Variants in MYO1C observed in about 807,000 individuals in gnomAD.
MYO1C encodes the protein myosin IC, also known as unconventional myosin-Ic.
Under a neutral mutation model 150.8 loss-of-function variants are expected in MYO1C, and 104 were observed. The observed-to-expected ratio is 0.69, with a 90% confidence interval of 0.59 to 0.81. MYO1C has a LOEUF of 0.81. Ranked by LOEUF, MYO1C falls within the 30% of genes least tolerant of loss-of-function variation. MYO1C has a pLI of 0.00. For synonymous variants in MYO1C, 663 were observed against 579.9 expected, an observed-to-expected ratio of 1.14 and a Z score of -2.06; for missense variants, 1,504 against 1,435.0, an observed-to-expected ratio of 1.05 and a Z score of -0.78.
intron 5 of MYO1C, 125 bp downstream of exon 5, chr17:1,482,352 AT>A: frequency 1.1e-6 from 1 of 884,948 alleles, no homozygotes; most frequent in Non-Finnish European, 1.9e-6. Context: ...GGAAGGCAGG[AT>A]TTTTGTTTGC....
intron 17 of MYO1C, among the ~76,000 whole-genome samples, chr17:1,473,694 T>C (rs1334911199): frequency 5.9e-5 from 9 of 152,122 alleles, no homozygotes; most frequent in Admixed American, 5.9e-4. Context: ...ATGCCTGCCT[T>C]TCCCCCGGTC....
chr17:1,472,022 G>C lies in MYO1C; in HGVS notation c.1906C>G (p.Arg636Gly). Residue 636 changes from arginine to glycine, a missense_variant and splice_region_variant, in exon 19 of 32, where the codon CGC becomes GGC. By Grantham distance (125) the Arg-to-Gly change is moderately radical. Transcript: ENST00000648651. ...TGGCGGATCAGCACCTCGTCAAAGCGGCCTGGGGTAGGGGGAGCGCCGTGG... is the reference window on the plus strand; with the variant it reads ...TGGCGGATCAGCACCTCGTCAAAGCCGCCTGGGGTAGGGGGAGCGCCGTGG... ...IKPNDAKQPG[R>G]FDEVLIRHQV... 6 of 1,614,004 alleles carry C rather than the reference G, an allele frequency of 3.7e-6. No homozygotes were observed. Among genetic ancestry groups the C allele is most frequent in the Non-Finnish European group, 5.1e-6 (6 of 1,179,968 alleles).
intron 17 of MYO1C, 186 bp from the exon 18 acceptor site, chr17:1,472,414 T>G (rs2074323528): frequency 3.3e-6 from 2 of 603,676 alleles, no homozygotes; most frequent in African/African-American, 3.7e-5. Context: ...CTTACCCCTC[T>G]GGCTGGGCGA....
At chr17:1,484,451 T>C in intron 1 of MYO1C, 148 bp from the exon 2 acceptor site, 1 of 498,754 alleles carries the variant, frequency 2.0e-6, no homozygotes, top group South Asian at 3.6e-5. Flanking sequence ...GCGGGGGGCC[T>C]GGGTGCTGAG....
intron 24 of MYO1C, 66 bp from the exon 25 acceptor site, chr17:1,469,680 A>G: frequency 7.8e-7 from 1 of 1,279,060 alleles, no homozygotes; most frequent in Non-Finnish European, 1.1e-6. Flanking sequence ...GACATCGAAC[A>G]TATGCTACTG....
chr17:1,483,510 C>T (rs978947336), intron 3 of MYO1C, 100 bp downstream of exon 3: 19 of 847,202 alleles, frequency 2.2e-5, no homozygotes, highest in African/African-American at 1.3e-4. Context: ...ACAGATGTGG[C>T]GCGGGACGCC....
intron 17 of MYO1C, among the ~76,000 whole-genome samples, chr17:1,473,894 T>C (rs2074350897): frequency 2.0e-5 from 3 of 151,996 alleles, no homozygotes; most frequent in African/African-American, 7.3e-5. Flanking sequence ...CTCTTCTAAG[T>C]TTGCAAAGCA....
intron 14 of MYO1C, among the ~76,000 whole-genome samples, 193 bp from the exon 15 acceptor site, chr17:1,475,225 C>CTT (rs2074380596): frequency 6.6e-6 from 1 of 152,232 alleles, no homozygotes; most frequent in Non-Finnish European, 1.5e-5. Flanking sequence ...TCGAGACCAG[C>CTT]TTGGTCAATA....
Position 1,470,232 on chromosome 17 carries a change from C to A in MYO1C, c.2469G>T (p.Gln823His), listed in dbSNP as rs1249595817. Reference protein sequence around the residue: ...RTSFLLNLRRQLPQNVLDTSW... With the variant: ...RTSFLLNLRRHLPQNVLDTSW... ...AGGTGTCCAGGACATTCTGGGGCAG[C>A]TGCCGCCTCAGGTTTAGCAAAAAAG... The change falls in exon 24 of 32, where the codon CAG (glutamine) becomes CAT (histidine). Residue 823 changes from glutamine to histidine, a missense_variant. Transcript: ENST00000648651. 4.3e-6 allele frequency: 7 copies of A among 1,610,752 alleles called. No individual in the cohort carries two copies. Among genetic ancestry groups the A allele is most frequent in the African/African-American group, 1.3e-5 (1 of 74,846 alleles).
intron 1 of MYO1C, chr17:1,492,106 T>A: frequency 2.3e-6 from 1 of 426,714 alleles, no homozygotes; most frequent in Non-Finnish European, 4.4e-6. Context: ...TTCCATGCCC[T>A]GGTCCTTCGA....
At chr17:1,491,693 C>T (rs1269463112) in intron 1 of MYO1C, 13 of 972,794 alleles carry the variant, frequency 1.3e-5, no homozygotes, top group Non-Finnish European at 1.6e-5. Context: ...GCCCAGGGCC[C>T]GCCGGGGGCC....
At chr17:1,485,558 C>A (rs560310781) in intron 1 of MYO1C, 1 of 679,080 alleles carries the variant, frequency 1.5e-6, no homozygotes, top group Non-Finnish European at 1.9e-6. Flanking sequence ...GGCCTCCTCC[C>A]CCTGCAACTT....
At chr17:1,484,098 C>T (rs757299063) in intron 2 of MYO1C, 50 bp downstream of exon 2, 5 of 1,607,312 alleles carry the variant, frequency 3.1e-6, no homozygotes, top group East Asian at 4.5e-5. Context: ...CCTCCGCTTG[C>T]CTGTGTCTGT....
chr17:1,479,162 T>C lies in MYO1C; in HGVS notation c.1092+269A>G, dbSNP rs892743126. Among the ~76,000 whole-genome samples the C allele has an allele frequency of 1.3e-5, 2 of 152,140 alleles. No individual in the cohort carries two copies. Among genetic ancestry groups the C allele is most frequent in the African/African-American group, 4.8e-5 (2 of 41,430 alleles). On this transcript the variant is annotated intron_variant, in intron 9 of 31. Transcript: ENST00000648651. This position sits in a 1 kb window ranked among gnomAD's most constrained non-coding sequence, Gnocchi z 4.2. The stretch of plus-strand genomic sequence containing the variant: ...GGCGCCCGCCACCATGCCCGGCTAA[T>C]TTTTGTATTCTTAGTAGATGGGGTT...
At chr17:1,477,180 C>CT (rs547771852) in intron 14 of MYO1C, 3,904 of 215,904 alleles carry the variant, frequency 0.018, 18 homozygotes, top group East Asian at 0.048. Context: ...ATTTTTTTCC[C>CT]TTTTTTTTTT....
At position 1,482,954 on chromosome 17, in the gene MYO1C, C is replaced by T. The variant is rs2074565381; in HGVS notation, c.453G>A (p.Lys151=). 1 of 1,609,594 alleles carries T rather than the reference C, an allele frequency of 6.2e-7. No individual in the cohort carries two copies. Among genetic ancestry groups the T allele is most frequent in the Non-Finnish European group, 8.5e-7 (1 of 1,178,854 alleles). Residue 151 remains lysine (K), a synonymous_variant, in exon 4 of 32, where the codon AAG becomes AAA. Coordinates refer to ENST00000648651, the MANE Select transcript of MYO1C (RefSeq NM_001080779.2). ...ESGAGKTEAT[K]RLLQFYAETC... is the part of the protein sequence containing the mutation. ...TCTCTGCATAGAACTGCAGCAGCCT[C>T]TTGGTGGCCTCGGTCTTGCCTGCCC...
chr17:1,492,096 TTCCATGCCCTGG>T (rs2074742117), intron 1 of MYO1C: 1 of 403,388 alleles, frequency 2.5e-6, no homozygotes, highest in African/African-American at 2.0e-5. Flanking sequence ...AGCCTGGAGC[TTCCATGCCCTGG>T]TCCTTCGACC....
intron 25 of MYO1C, 53 bp from the exon 26 acceptor site, chr17:1,468,549 G>C (rs550128840): frequency 3.7e-5 from 54 of 1,455,436 alleles, no homozygotes; most frequent in East Asian, 1.4e-4. Flanking sequence ...CACCATCTTG[G>C]GGGGGCAGAG....
intron 5 of MYO1C, 111 bp downstream of exon 5, chr17:1,482,367 G>C (rs1403826194): frequency 3.0e-6 from 3 of 1,011,210 alleles, no homozygotes; most frequent in Non-Finnish European, 3.1e-6. Context: ...TGTTTGCTTT[G>C]TTTGACTGCT....
Sources: gnomAD v4.1 joint callset for allele counts (sites outside exome capture counted in the v4.1 genomes callset) on GRCh38, gnomAD v4.1.1 for gene constraint, Gnocchi (gnomAD v3.1) non-coding constraint, MANE v1.5 for transcripts, NCBI Gene and HGNC (gene_info 2026-07-23, HGNC 2026-07-21) for gene names.